Variants in TNFSF8 observed in about 807,000 individuals in gnomAD.
The protein encoded by TNFSF8 is tumor necrosis factor ligand superfamily member 8.
TNFSF8 carries 4 observed loss-of-function variants against 22.0 expected under a neutral mutation model. The ratio of observed to expected loss-of-function variants is 0.18; its 90% CI spans 0.09 to 0.42. The LOEUF (loss-of-function observed/expected upper bound fraction) is 0.42, where lower values mean the gene tolerates loss of function less well. Among genes scored for constraint, TNFSF8 ranks in the 10% least tolerant of loss-of-function variants. TNFSF8 has a pLI of 1.00. For missense variants in TNFSF8, 233 were observed against 281.8 expected, an observed-to-expected ratio of 0.83 and a Z score of 1.24; for synonymous variants, 106 against 112.5, an observed-to-expected ratio of 0.94 and a Z score of 0.37.
At chr9:114,907,196 G>A (rs1023863177) in intron 2 of TNFSF8, among the ~76,000 whole-genome samples, 2 of 152,158 alleles carry the variant, frequency 1.3e-5, no homozygotes, top group Non-Finnish European at 2.9e-5. Flanking sequence ...CACTGCGAGA[G>A]GCACTCCGGG....
intron 1 of TNFSF8, among the ~76,000 whole-genome samples, chr9:114,928,986 AG>A (rs1323073790): frequency 1.3e-5 from 2 of 152,236 alleles, no homozygotes; most frequent in Non-Finnish European, 2.9e-5. Context: ...CACGAAAAGT[AG>A]GCACTATGAA....
chr9:114,924,739 A>G (rs1265945059), intron 1 of TNFSF8, among the ~76,000 whole-genome samples: 1 of 152,104 alleles, frequency 6.6e-6, no homozygotes, highest in Admixed American at 6.6e-5. Context: ...CCTTCATCCC[A>G]AGCAGAAATG....
chr9:114,899,480 T>C (rs76157535), downstream of TNFSF8, among the ~76,000 whole-genome samples: 1,310 of 151,998 alleles, frequency 8.6e-3, 21 homozygotes, highest in African/African-American at 0.03. Context: ...CAGGGGAGAA[T>C]TGTGAGAAGA....
chr9:114,915,894 G>T (rs1422123613), intron 2 of TNFSF8, among the ~76,000 whole-genome samples: 1 of 152,178 alleles, frequency 6.6e-6, no homozygotes, highest in East Asian at 1.9e-4. Flanking sequence ...TCTGGTTGTG[G>T]AAACATTGAA....
intron 1 of TNFSF8, 35 bp from the exon 2 acceptor site, chr9:114,918,173 G>A (rs1260580792): frequency 6.3e-7 from 1 of 1,580,846 alleles, no homozygotes; most frequent in Non-Finnish European, 8.6e-7. Flanking sequence ...AGCATGAGGT[G>A]TGACATTCAG....
Position 114,901,760 on chromosome 9 carries a change from GAA to G in TNFSF8, c.*2169_*2170del, listed in dbSNP as rs1436659564. 2 of 984,926 alleles carry G rather than the reference GAA, an allele frequency of 2.0e-6. No homozygotes were observed. The allele number at this position is 984,926 out of a possible 1,614,324, so 61.0% of individuals were successfully genotyped here. On this transcript the variant is annotated 3_prime_UTR_variant, in exon 4 of 4. Coordinates refer to ENST00000223795, the MANE Select transcript of TNFSF8 (RefSeq NM_001244.4). The stretch of plus-strand genomic sequence containing the variant: ...GCTTCTCCCAAAGAATCTACTCACA[GAA>G]AGAGTTAAAGAGAAATGTAGACTTT...
downstream of TNFSF8, chr9:114,901,073 A>G (rs1827710946): frequency 1.0e-6 from 1 of 985,190 alleles, no homozygotes; most frequent in Non-Finnish European, 1.2e-6. Context: ...GGTGGGGTTC[A>G]GAGGGTAGGA....
chr9:114,922,909 A>G (rs1451407792), intron 1 of TNFSF8, among the ~76,000 whole-genome samples: 1 of 152,072 alleles, frequency 6.6e-6, no homozygotes, highest in Non-Finnish European at 1.5e-5. Context: ...CATCCAGGTG[A>G]TGCCAATGTT....
rs1827730062 is a variant in TNFSF8 at position 114,902,515 on chromosome 9, G to T, written c.*1416C>A. ...AGATGGTTTCCCAAACACCCAGATG[G>T]TCTCTTAGATTCTGGATGGTCAGTG... On this transcript the variant is annotated 3_prime_UTR_variant, in exon 4 of 4. Coordinates refer to ENST00000223795, the MANE Select transcript of TNFSF8 (RefSeq NM_001244.4). The T allele has an allele frequency of 2.3e-5, 23 of 985,430 alleles. No homozygotes were observed. Among genetic ancestry groups the T allele is most frequent in the Non-Finnish European group, 2.7e-5 (22 of 829,932 alleles). 61.0% of individuals were successfully genotyped at this position (985,430 alleles called of 1,614,324 possible). A position where few individuals can be genotyped will look rare whatever the true frequency, so the allele number is the denominator to read the frequency against.
chr9:114,902,014 A>T lies in TNFSF8; in HGVS notation c.*1917T>A, dbSNP rs928452625. 5.1e-6 allele frequency: 5 copies of T among 985,246 alleles called. No homozygotes were observed. The African/African-American group carries it at 8.7e-5, about 17-fold the overall frequency. 61.0% of individuals were successfully genotyped at this position (985,246 alleles called of 1,614,324 possible). On this transcript the variant is annotated 3_prime_UTR_variant, in exon 4 of 4. Coordinates refer to ENST00000223795, the MANE Select transcript of TNFSF8 (RefSeq NM_001244.4). ...TTCTCTCCTTCTTGAGAAAAATGCAAATTTTGCTCCATGTTTTGGTATAGC... is the reference window on the plus strand; with the variant it reads ...TTCTCTCCTTCTTGAGAAAAATGCATATTTTGCTCCATGTTTTGGTATAGC...
chr9:114,924,324 A>G (rs1314332997), intron 1 of TNFSF8, among the ~76,000 whole-genome samples: 1 of 152,228 alleles, frequency 6.6e-6, no homozygotes, highest in Non-Finnish European at 1.5e-5. Flanking sequence ...GTGACCCTAG[A>G]TTGGTTCAAA....
chr9:114,916,672 C>G (rs548515293), intron 2 of TNFSF8, among the ~76,000 whole-genome samples: 25 of 152,268 alleles, frequency 1.6e-4, no homozygotes, highest in Middle Eastern at 3.4e-3. Flanking sequence ...AGTGACTCCT[C>G]CAATTCATAA....
chr9:114,920,172 AACAACTT>A (rs1349347621), intron 1 of TNFSF8, among the ~76,000 whole-genome samples: 2 of 152,218 alleles, frequency 1.3e-5, no homozygotes, highest in Admixed American at 1.3e-4. Context: ...AAATTTAATA[AACAACTT>A]ACAACTTACT....
In TNFSF8 at chr9:114,905,851, T is replaced by C. The variant is rs761744511; in HGVS notation, c.287A>G (p.Lys96Arg). 10 of 1,612,838 alleles carry C rather than the reference T, an allele frequency of 6.2e-6. No homozygotes were observed. The East Asian group carries it at 2.2e-4, about 36-fold the overall frequency. The change falls in exon 3 of 4, where the codon AAG becomes AGG. Residue 96 changes from lysine to arginine, a missense_variant. Coordinates refer to ENST00000223795, the MANE Select transcript of TNFSF8 (RefSeq NM_001244.4). ...ACCTTGGAGGTAGGCCCATGACTTC[T>C]TGAATGGAGCCCTTTTCAGGATACA... is the stretch of plus-strand genomic sequence containing the variant. ...LLCILKRAPF[K>R]KSWAYLQVAK...
chr9:114,916,704 C>T (rs1827923451), intron 2 of TNFSF8, among the ~76,000 whole-genome samples: 1 of 152,170 alleles, frequency 6.6e-6, no homozygotes, highest in Admixed American at 6.5e-5. Flanking sequence ...CCCACCACCT[C>T]ATTTGATAAA....
At chr9:114,906,348 A>T (rs1051921408) in intron 2 of TNFSF8, among the ~76,000 whole-genome samples, 13 of 152,248 alleles carry the variant, frequency 8.5e-5, no homozygotes, top group African/African-American at 3.1e-4. Flanking sequence ...GAGAATGATA[A>T]TACTGATAGT....
chr9:114,923,500 TTCTTTCTTTCTTTCTTTCTTTC>T lies in TNFSF8; in HGVS notation c.196-5384_196-5363del, dbSNP rs1464528241. Among the ~76,000 whole-genome samples, 7 of 82,704 alleles carry T rather than the reference TTCTTTCTTTCTTTCTTTCTTTC, an allele frequency of 8.5e-5. No homozygotes were observed. The East Asian group carries it at 2.0e-3, about 23-fold the overall frequency. The allele number at this position is 82,704 out of a possible 152,430, so 54.3% of individuals were successfully genotyped here. On this transcript the variant is annotated intron_variant, in intron 1 of 3. Coordinates refer to ENST00000223795, the MANE Select transcript of TNFSF8 (RefSeq NM_001244.4). ...TCTTTTTCTTTCTTTCTTTCTTTCT[TTCTTTCTTTCTTTCTTTCTTTC>T]TTTTTTTTTTTTTGAGATGAAATCT...
At chr9:114,914,549 C>T (rs1189470853) in intron 2 of TNFSF8, among the ~76,000 whole-genome samples, 1 of 152,104 alleles carries the variant, frequency 6.6e-6, no homozygotes, top group Admixed American at 6.6e-5. Context: ...TCCTTGGTTC[C>T]GTGACATTTG....
At chr9:114,895,586 T>C (rs1319432044) in intron 4 of TNFSF8, among the ~76,000 whole-genome samples, 2 of 152,204 alleles carry the variant, frequency 1.3e-5, no homozygotes, top group African/African-American at 4.8e-5. Flanking sequence ...AAGGTCTAAC[T>C]CCTTCACAGA....
Sources: allele counts gnomAD v4.1 joint callset (sites outside exome capture counted in the v4.1 genomes callset), GRCh38; gene constraint gnomAD v4.1.1; transcripts MANE v1.5; gene names NCBI Gene and HGNC (gene_info 2026-07-23, HGNC 2026-07-21).